TMEM131: variants seen among roughly 807,000 people sequenced by gnomAD.
TMEM131 encodes 2610524E03Rik.
Under a neutral mutation model 211.6 loss-of-function variants are expected in TMEM131, and 66 were observed. The ratio of observed to expected loss-of-function variants is 0.31; its 90% CI spans 0.26 to 0.38. TMEM131 has a LOEUF of 0.38. Among genes scored for constraint, TMEM131 ranks in the 10% least tolerant of loss-of-function variants. The pLI, the probability that TMEM131 is intolerant of heterozygous loss-of-function variation, is 1.00. For missense variants in TMEM131, 2,036 were observed against 2,299.3 expected, an observed-to-expected ratio of 0.89 and a Z score of 2.34; for synonymous variants, 844 against 841.3, an observed-to-expected ratio of 1.00 and a Z score of -0.06.
At chr2:97,775,809 C>A (rs1344884632) in intron 32 of TMEM131, 34 bp downstream of exon 32, 1 of 1,588,266 alleles carries the variant, frequency 6.3e-7, no homozygotes, top group Non-Finnish European at 8.5e-7. Flanking sequence ...CTCTCTTTCT[C>A]CCTCGTGTTT....
rs746525610 is a variant in TMEM131 at position 97,757,375 on chromosome 2, G to A, written c.5376C>T (p.Leu1792=). 61 of 1,598,282 alleles carry A rather than the reference G, an allele frequency of 3.8e-5. No homozygotes were observed. Among genetic ancestry groups the A allele is most frequent in the South Asian group, 3.6e-4 (32 of 89,670 alleles). The change falls in exon 41 of 41, where the codon CTC becomes CTT. Residue 1792 remains leucine (L), a synonymous_variant. Transcript: ENST00000186436. ...GSPTHTATSV[L]GNTSGLWSTT... is the part of the protein sequence containing the mutation. ...TGGACCACAGGCCGCTGGTGTTACC[G>A]AGGACCGACTGCGACAAAACAGAAA...
chr2:97,897,629 G>A (rs534465354), intron 3 of TMEM131, among the ~76,000 whole-genome samples: 5 of 152,166 alleles, frequency 3.3e-5, no homozygotes, highest in Admixed American at 6.6e-5. Flanking sequence ...CTGTTATCAC[G>A]TTTCTGGATT....
intron 1 of TMEM131, among the ~76,000 whole-genome samples, chr2:97,979,218 T>C (rs1286719089): frequency 6.6e-6 from 1 of 152,182 alleles, no homozygotes; most frequent in Non-Finnish European, 1.5e-5. Flanking sequence ...ACAGGCAGAG[T>C]AGATTTAGCA....
At chr2:97,961,540 T>A (rs1227280143) in intron 1 of TMEM131, among the ~76,000 whole-genome samples, 1 of 152,234 alleles carries the variant, frequency 6.6e-6, no homozygotes. Context: ...TGTTGTTGTT[T>A]TCGAAATTGA....
At chr2:97,893,883 T>G (rs1162214771) in intron 3 of TMEM131, among the ~76,000 whole-genome samples, 1 of 152,216 alleles carries the variant, frequency 6.6e-6, no homozygotes, top group East Asian at 1.9e-4. Flanking sequence ...TTAGTTTAAT[T>G]AGATCCCATG....
intron 36 of TMEM131, chr2:97,761,429 C>T (rs1678842831): frequency 6.3e-6 from 1 of 158,292 alleles, no homozygotes; most frequent in Non-Finnish European, 1.4e-5. Flanking sequence ...AAACCCACGC[C>T]ACGGCGAGGC....
chr2:97,787,513 T>TA (rs1310173336), intron 31 of TMEM131, among the ~76,000 whole-genome samples: 4 of 152,338 alleles, frequency 2.6e-5, no homozygotes, highest in East Asian at 3.9e-4. Context: ...GCATCACACT[T>TA]ACGGACTTCT....
intron 2 of TMEM131, among the ~76,000 whole-genome samples, chr2:97,918,939 T>C (rs1477510022): frequency 6.6e-6 from 1 of 152,232 alleles, no homozygotes; most frequent in African/African-American, 2.4e-5. Context: ...ATGTGTTGGT[T>C]GTCTAAGATG....
intron 1 of TMEM131, among the ~76,000 whole-genome samples, chr2:97,960,409 C>CT (rs977037161): frequency 1.3e-4 from 19 of 148,896 alleles, no homozygotes; most frequent in South Asian, 2.1e-4. Context: ...TAACTGATTA[C>CT]TTTTTTTTTT....
intron 1 of TMEM131, among the ~76,000 whole-genome samples, chr2:97,960,690 G>T (rs1469318415): frequency 6.6e-6 from 1 of 151,904 alleles, no homozygotes; most frequent in African/African-American, 2.4e-5. Context: ...CATTTGATGA[G>T]ACCAGCATTA....
Position 97,805,631 on chromosome 2 carries a change from A to G in TMEM131, c.2128T>C (p.Ser710Pro). 6.2e-7 allele frequency: 1 copy of G among 1,611,772 alleles called. No homozygotes were observed. The highest frequency in any genetic ancestry group is 8.5e-7 in the Non-Finnish European group (1 of 1,178,224). Residue 710 changes from serine to proline, a missense_variant, in exon 20 of 41, where the codon TCT becomes CCT. Physicochemically the swap from Ser to Pro is moderately conservative, Grantham distance 74. Transcript: ENST00000186436. ...SQKVKIQQIR[S>P]LSEDVRFYYK... The stretch of plus-strand genomic sequence containing the variant: ...TAAAATCGCACATCTTCTGACAAAG[A>G]TCGTATTTGCTGTATTTTTACCTTC...
At chr2:97,874,437 T>C (rs1281431735) in intron 4 of TMEM131, among the ~76,000 whole-genome samples, 3 of 151,936 alleles carry the variant, frequency 2.0e-5, no homozygotes, top group Non-Finnish European at 4.4e-5. Context: ...TTCACCAAGG[T>C]TGAAATGAAG....
chr2:97,856,919 A>ATAG (rs1309633437), intron 5 of TMEM131, among the ~76,000 whole-genome samples: 1 of 152,206 alleles, frequency 6.6e-6, no homozygotes, highest in African/African-American at 2.4e-5. Flanking sequence ...GTGGATTTTG[A>ATAG]TAGGTGTAAT....
intron 4 of TMEM131, among the ~76,000 whole-genome samples, chr2:97,864,395 A>G (rs985435137): frequency 1.3e-5 from 2 of 152,260 alleles, no homozygotes; most frequent in Admixed American, 6.5e-5. Context: ...GATTGTTGGT[A>G]ACACAAAAGA....
At chr2:97,943,655 G>T (rs571675236) in intron 1 of TMEM131, among the ~76,000 whole-genome samples, 2 of 152,238 alleles carry the variant, frequency 1.3e-5, no homozygotes, top group East Asian at 3.9e-4. Flanking sequence ...GGCTCCTGAA[G>T]TTCATAAGAA....
intron 14 of TMEM131, 35 bp from the exon 15 acceptor site, chr2:97,814,176 T>C (rs1296922309): frequency 1.9e-6 from 3 of 1,612,274 alleles, no homozygotes; most frequent in Non-Finnish European, 8.5e-7. Flanking sequence ...AAACAAAGTG[T>C]CAGCATCACC....
At chr2:97,859,702 G>T (rs1673988333) in intron 4 of TMEM131, among the ~76,000 whole-genome samples, 1 of 152,180 alleles carries the variant, frequency 6.6e-6, no homozygotes, top group African/African-American at 2.4e-5. Flanking sequence ...CGGCGGACGG[G>T]GCACAAAATG....
At chr2:97,902,369 A>G (rs756839199) in intron 3 of TMEM131, among the ~76,000 whole-genome samples, 3 of 152,194 alleles carry the variant, frequency 2.0e-5, no homozygotes, top group Non-Finnish European at 4.4e-5. Context: ...AGGATTGAAC[A>G]AATCAATACA....
chr2:97,810,251 T>C (rs114166002), intron 18 of TMEM131, among the ~76,000 whole-genome samples: 1,815 of 152,194 alleles, frequency 0.012, 38 homozygotes, highest in African/African-American at 0.041. Context: ...AGAGTTAGAA[T>C]CCCATCCCAT....
Sources: allele counts gnomAD v4.1 joint callset (sites outside exome capture counted in the v4.1 genomes callset), GRCh38; gene constraint gnomAD v4.1.1; transcripts MANE v1.5; gene names NCBI Gene and HGNC (gene_info 2026-07-23, HGNC 2026-07-21).